Variants in MAF observed in about 807,000 individuals in gnomAD.
The protein encoded by MAF is MAF bZIP transcription factor.
MAF carries 10 observed loss-of-function variants against 22.0 expected under a neutral mutation model. The ratio of observed to expected loss-of-function variants is 0.45; its 90% CI spans 0.28 to 0.77. The LOEUF is 0.77. Ranked by LOEUF, MAF falls within the 30% of genes least tolerant of loss-of-function variation. MAF has a pLI of 0.12. For missense variants in MAF, 544 were observed against 548.4 expected, an observed-to-expected ratio of 0.99 and a Z score of 0.08; for synonymous variants, 337 against 255.8, an observed-to-expected ratio of 1.32 and a Z score of -3.03.
chr16:79,218,741 G>T, the MAF span, among the ~76,000 whole-genome samples: 1 of 152,176 alleles, frequency 6.6e-6, no homozygotes, highest in Non-Finnish European at 1.5e-5. Context: ...TGTTTAATTA[G>T]AGTGGAAATT....
At chr16:79,474,791 G>A in the MAF span, among the ~76,000 whole-genome samples, 1 of 152,146 alleles carries the variant, frequency 6.6e-6, no homozygotes, top group Non-Finnish European at 1.5e-5. Flanking sequence ...TCCCATGTCA[G>A]GAAATCAAGG....
chr16:79,593,195 A>T (rs891814622), downstream of MAF, among the ~76,000 whole-genome samples: 6 of 152,230 alleles, frequency 3.9e-5, no homozygotes, highest in Non-Finnish European at 7.3e-5. Context: ...TCGTAAAGCC[A>T]AGAGTATGTG....
chr16:79,369,665 C>T, the MAF span, among the ~76,000 whole-genome samples: 1 of 152,198 alleles, frequency 6.6e-6, no homozygotes, highest in Non-Finnish European at 1.5e-5. Context: ...TGGCTTCTCA[C>T]AACATTTGTA....
chr16:79,579,686 C>A, the MAF span, among the ~76,000 whole-genome samples: 1 of 152,214 alleles, frequency 6.6e-6, no homozygotes, highest in Non-Finnish European at 1.5e-5. Flanking sequence ...AACTGCCTCA[C>A]TGCCTTCTCA....
At chr16:79,384,527 G>T in the MAF span, among the ~76,000 whole-genome samples, 1 of 151,444 alleles carries the variant, frequency 6.6e-6, no homozygotes, top group Non-Finnish European at 1.5e-5. Flanking sequence ...GGAGGCCGAG[G>T]CAGGTGGATC....
At chr16:79,463,144 T>A in the MAF span, among the ~76,000 whole-genome samples, 8 of 152,320 alleles carry the variant, frequency 5.3e-5, no homozygotes, top group African/African-American at 1.7e-4. Context: ...GGAGATGAGC[T>A]TGGCCTGTTT....
chr16:79,370,608 T>G, the MAF span, among the ~76,000 whole-genome samples: 1 of 152,212 alleles, frequency 6.6e-6, no homozygotes, highest in Non-Finnish European at 1.5e-5. Flanking sequence ...TGCAGGATCC[T>G]AGGGTACAGA....
the MAF span, among the ~76,000 whole-genome samples, chr16:79,434,052 C>A: frequency 6.6e-6 from 1 of 152,136 alleles, no homozygotes; most frequent in African/African-American, 2.4e-5. Context: ...CTGTTCTCCC[C>A]GTTGCATAGG....
At chr16:79,366,151 G>A in the MAF span, among the ~76,000 whole-genome samples, 1 of 152,134 alleles carries the variant, frequency 6.6e-6, no homozygotes, top group Non-Finnish European at 1.5e-5. Flanking sequence ...CATTCTCATG[G>A]TGGCAAGCTT....
chr16:79,444,021 C>T, the MAF span, among the ~76,000 whole-genome samples: 1 of 152,126 alleles, frequency 6.6e-6, no homozygotes, highest in South Asian at 2.1e-4. Flanking sequence ...TATACGTACA[C>T]ACACAAATAT....
chr16:79,239,272 C>T, the MAF span, among the ~76,000 whole-genome samples: 1 of 152,068 alleles, frequency 6.6e-6, no homozygotes, highest in Non-Finnish European at 1.5e-5. Context: ...CAGTGATTGA[C>T]ACATGTCTGT....
the MAF span, among the ~76,000 whole-genome samples, chr16:79,384,935 A>C: frequency 6.6e-6 from 1 of 152,102 alleles, no homozygotes; most frequent in Non-Finnish European, 1.5e-5. Context: ...GGACAGAGGA[A>C]ATATTTGAAG....
chr16:79,286,994 C>T, the MAF span, among the ~76,000 whole-genome samples: 1 of 152,184 alleles, frequency 6.6e-6, no homozygotes, highest in Non-Finnish European at 1.5e-5. Context: ...CATTAAAAAC[C>T]GAAGCCAGAA....
the MAF span, among the ~76,000 whole-genome samples, chr16:79,210,497 G>T: frequency 2.0e-5 from 3 of 152,120 alleles, no homozygotes; most frequent in Non-Finnish European, 4.4e-5. Flanking sequence ...CACAATCAAA[G>T]TTCCTTAGTG....
At chr16:79,370,283 T>C in the MAF span, among the ~76,000 whole-genome samples, 1 of 152,176 alleles carries the variant, frequency 6.6e-6, no homozygotes, top group African/African-American at 2.4e-5. Flanking sequence ...GGAGGTTATC[T>C]CCTGTTAGTT....
At chr16:79,255,083 C>T in the MAF span, among the ~76,000 whole-genome samples, 112 of 152,300 alleles carry the variant, frequency 7.4e-4, no homozygotes, top group African/African-American at 2.3e-3. Context: ...CTCCTGAAAA[C>T]GTCTTCTCTC....
chr16:79,316,371 G>A, the MAF span, among the ~76,000 whole-genome samples: 1 of 152,180 alleles, frequency 6.6e-6, no homozygotes, highest in East Asian at 1.9e-4. Flanking sequence ...GAAGGCAGCT[G>A]CCCACACACT....
the MAF span, among the ~76,000 whole-genome samples, chr16:79,340,974 G>A: frequency 1.3e-5 from 2 of 152,290 alleles, no homozygotes; most frequent in East Asian, 3.9e-4. Flanking sequence ...TTTAAGATGG[G>A]ACCTCAAGAT....
chr16:79,335,474 G>A, the MAF span, among the ~76,000 whole-genome samples: 1 of 152,132 alleles, frequency 6.6e-6, no homozygotes, highest in Admixed American at 6.6e-5. Context: ...AGAAAGACCA[G>A]GGGGGACAGG....
Sources: gnomAD v4.1 joint callset for allele counts (sites outside exome capture counted in the v4.1 genomes callset) on GRCh38, gnomAD v4.1.1 for gene constraint, MANE v1.5 for transcripts, NCBI Gene and HGNC (gene_info 2026-07-23, HGNC 2026-07-21) for gene names.